VPS13B: variants seen among roughly 807,000 people sequenced by gnomAD.
VPS13B encodes vacuolar protein sorting 13 homolog B, also known as intermembrane lipid transfer protein VPS13B.
A neutral mutation model predicts 426.4 loss-of-function variants in VPS13B; 285 were observed. The ratio of observed to expected loss-of-function variants is 0.67; its 90% CI spans 0.61 to 0.74. The LOEUF is 0.74. VPS13B is among the 30% of genes least tolerant of loss of function. The probability of loss-of-function intolerance (pLI) is 0.00; values close to 1 mark genes in which losing one functional copy is unlikely to be tolerated. For synonymous variants in VPS13B, 1,676 were observed against 1,676.4 expected, an observed-to-expected ratio of 1.00 and a Z score of 0.01; for missense variants, 4,537 against 4,782.6, an observed-to-expected ratio of 0.95 and a Z score of 1.51.
chr8:99,817,945 A>C lies in VPS13B; in HGVS notation c.8361+142A>C, dbSNP rs188813487. On this transcript the variant is annotated intron_variant, in intron 45 of 61. Coordinates refer to ENST00000357162, the MANE Select transcript of VPS13B (RefSeq NM_152564.5). ...GAAAGGCTTTGAATAGTACTTCTCA[A>C]ACTGTTTCCTCCCCATCCCACGACA... The C allele has an allele frequency of 3.1e-6, 4 of 1,273,932 alleles. No homozygotes were observed. In the African/African-American group the frequency reaches 4.4e-5, roughly 14 times the overall value. The allele number at this position is 1,273,932 out of a possible 1,614,324, so 78.9% of individuals were successfully genotyped here. A position where few individuals can be genotyped will look rare whatever the true frequency, so the allele number is the denominator to read the frequency against.
At chr8:99,317,611 A>G (rs890012412) in intron 19 of VPS13B, among the ~76,000 whole-genome samples, 5 of 152,084 alleles carry the variant, frequency 3.3e-5, no homozygotes, top group Admixed American at 2.0e-4. Context: ...CCTTCTTCTC[A>G]GTCCTCCCTT....
chr8:99,444,546 A>G (rs1817821878), intron 23 of VPS13B, among the ~76,000 whole-genome samples: 1 of 152,232 alleles, frequency 6.6e-6, no homozygotes, highest in Admixed American at 6.5e-5. Flanking sequence ...CTATAAAAAT[A>G]GTAAAAGTGG....
At chr8:99,595,338 T>A (rs1484206725) in intron 33 of VPS13B, among the ~76,000 whole-genome samples, 4 of 151,962 alleles carry the variant, frequency 2.6e-5, no homozygotes, top group Admixed American at 2.6e-4. Flanking sequence ...TATAGTCAAT[T>A]GATTTTTGAC....
chr8:99,545,635 T>A (rs1823928739), intron 30 of VPS13B, among the ~76,000 whole-genome samples: 1 of 152,120 alleles, frequency 6.6e-6, no homozygotes, highest in Non-Finnish European at 1.5e-5. Flanking sequence ...GTGTCAGATT[T>A]ATATTCTCAA....
chr8:99,871,572 A>T lies in VPS13B; in HGVS notation c.11620A>T (p.Ser3874Cys). The change falls in exon 61 of 62, where the codon AGT (serine) becomes TGT (cysteine). Residue 3874 changes from serine (S) to cysteine (C), a missense_variant. By Grantham distance (112) the Ser-to-Cys change is moderately radical. Transcript: ENST00000357162. ...GACATCAGAAGTGCTCTTCGTGGTGAGTGTCAGTGAGGACACACAGCAGCA... is the reference window on the plus strand; with the variant it reads ...GACATCAGAAGTGCTCTTCGTGGTGTGTGTCAGTGAGGACACACAGCAGCA... ...LLTSEVLFVV[S>C]VSEDTQQQAF... The T allele has an allele frequency of 6.2e-7, 1 of 1,614,200 alleles. No homozygotes were observed. Among genetic ancestry groups the T allele is most frequent in the South Asian group, 1.1e-5 (1 of 91,084 alleles).
At chr8:99,304,349 T>G (rs980803373) in intron 19 of VPS13B, among the ~76,000 whole-genome samples, 2 of 152,116 alleles carry the variant, frequency 1.3e-5, no homozygotes, top group African/African-American at 2.4e-5. Flanking sequence ...AAAGAAAATT[T>G]TAAAGAAATT....
chr8:99,780,913 C>A (rs74967450), intron 42 of VPS13B, among the ~76,000 whole-genome samples: 6,761 of 152,198 alleles, frequency 0.044, 162 homozygotes, highest in African/African-American at 0.056. Context: ...CCTTTAGAAG[C>A]GGAAGTTTAG....
intron 33 of VPS13B, among the ~76,000 whole-genome samples, chr8:99,581,795 A>T (rs1826073642): frequency 6.6e-6 from 1 of 152,214 alleles, no homozygotes; most frequent in South Asian, 2.1e-4. Context: ...AAATTACATA[A>T]AAGAAACAAA....
At chr8:99,322,809 T>C (rs1725240400) in intron 19 of VPS13B, among the ~76,000 whole-genome samples, 1 of 152,232 alleles carries the variant, frequency 6.6e-6, no homozygotes, top group Non-Finnish European at 1.5e-5. Flanking sequence ...ATCATTAGGA[T>C]AGAAACAAAG....
intron 17 of VPS13B, among the ~76,000 whole-genome samples, chr8:99,207,778 G>A (rs1814816154): frequency 6.6e-6 from 1 of 152,134 alleles, no homozygotes; most frequent in South Asian, 2.1e-4. Flanking sequence ...CTTTGCTCAT[G>A]TTTATGTCTT....
intron 19 of VPS13B, among the ~76,000 whole-genome samples, chr8:99,297,699 A>G (rs56229504): frequency 0.032 from 4,799 of 152,314 alleles, 114 homozygotes; most frequent in South Asian, 0.076. Context: ...TTTGGTGAAC[A>G]TCGTTTTAGA....
intron 33 of VPS13B, among the ~76,000 whole-genome samples, chr8:99,593,916 T>C (rs1181132811): frequency 6.6e-6 from 1 of 150,598 alleles, no homozygotes; most frequent in East Asian, 2.0e-4. Flanking sequence ...GGTGGAGGGG[T>C]GAGGGAGGGG....
intron 35 of VPS13B, among the ~76,000 whole-genome samples, chr8:99,678,904 G>T (rs1831047550): frequency 6.6e-6 from 1 of 151,976 alleles, no homozygotes; most frequent in South Asian, 2.1e-4. Context: ...TCCAATGGTG[G>T]CCAGTTAGTT....
In VPS13B at chr8:99,783,938, G is replaced by A. The variant is rs537712127; in HGVS notation, c.7780-377G>A. ...TCTTGATTGTTGAGTTTAGAAGCTG[G>A]GAACATGGTAATTCTAGCCTCCAGT... On this transcript the variant is annotated intron_variant, in intron 42 of 61. Coordinates refer to ENST00000357162, the MANE Select transcript of VPS13B (RefSeq NM_152564.5). Among the ~76,000 whole-genome samples, 191 of 152,236 alleles carry A rather than the reference G, an allele frequency of 1.3e-3. 1 individual carries two copies. Among genetic ancestry groups the A allele is most frequent in the Admixed American group, 4.1e-3 (62 of 15,280 alleles).
chr8:99,398,699 G>A (rs907717459), intron 21 of VPS13B, among the ~76,000 whole-genome samples: 6 of 152,070 alleles, frequency 3.9e-5, no homozygotes, highest in Non-Finnish European at 7.4e-5. Context: ...GAGACTTAAC[G>A]ATCAGGAAAA....
chr8:99,706,748 G>A lies in VPS13B; in HGVS notation c.6454+6816G>A, dbSNP rs1346688890. On this transcript the variant is annotated intron_variant, in intron 36 of 61. Coordinates refer to ENST00000357162, the MANE Select transcript of VPS13B (RefSeq NM_152564.5). ...AGTACTAGAGACTTTTTTCTTAATA[G>A]CATCTCCTTAGCATTCTAATGATAG... Among the ~76,000 whole-genome samples, 3 of 151,998 alleles carry A rather than the reference G, an allele frequency of 2.0e-5. No individual in the cohort carries two copies. The South Asian group carries it at 6.2e-4, about 31-fold the overall frequency.
At chr8:99,859,534 T>TG in intron 57 of VPS13B, 54 bp downstream of exon 57, 1 of 1,603,526 alleles carries the variant, frequency 6.2e-7, no homozygotes, top group Non-Finnish European at 8.5e-7. Context: ...TTTTTTTTTT[T>TG]TTTTAAAGAA....
chr8:99,051,671 G>A lies in VPS13B; in HGVS notation c.291+13105G>A, dbSNP rs185556536. On this transcript the variant is annotated intron_variant, in intron 3 of 61. Transcript: ENST00000357162. ...TTCTTCCTACCCATGAGCATGCAATGTTCTTCCATTTGTTTGTATCCTCTT... is the reference window on the plus strand; with the variant it reads ...TTCTTCCTACCCATGAGCATGCAATATTCTTCCATTTGTTTGTATCCTCTT... 3.4e-3 allele frequency among the ~76,000 whole-genome samples: 520 copies of A among 152,278 alleles called. 3 individuals are homozygous for A. The highest frequency in any genetic ancestry group is 0.011 in the African/African-American group (468 of 41,534).
At chr8:99,835,847 C>A (rs1298919257) in intron 54 of VPS13B, 109 bp downstream of exon 54, 2 of 1,143,130 alleles carry the variant, frequency 1.7e-6, no homozygotes, top group Non-Finnish European at 2.5e-6. Context: ...AACATCTTTT[C>A]TCTGTGTGAG....
Sources: gnomAD v4.1 joint callset for allele counts (sites outside exome capture counted in the v4.1 genomes callset) on GRCh38, gnomAD v4.1.1 for gene constraint, MANE v1.5 for transcripts, NCBI Gene and HGNC (gene_info 2026-07-23, HGNC 2026-07-21) for gene names.